IFI27: variants seen among roughly 807,000 people sequenced by gnomAD.
The protein encoded by IFI27 is interferon alpha-inducible protein 27, mitochondrial.
IFI27 carries 3 observed loss-of-function variants against 8.9 expected under a neutral mutation model. The observed-to-expected ratio is 0.34, with a 90% CI of 0.15 to 0.87. The LOEUF (loss-of-function observed/expected upper bound fraction) is 0.87. Ranked by LOEUF, IFI27 falls within the 40% of genes least tolerant of loss-of-function variation. The pLI is 0.51. For synonymous variants in IFI27, 66 were observed against 67.3 expected, an observed-to-expected ratio of 0.98 and a Z score of 0.09; for missense variants, 152 against 157.7, an observed-to-expected ratio of 0.96 and a Z score of 0.19.
chr14:94,116,605 C>G lies in IFI27; in HGVS notation c.*78C>G, dbSNP rs973927968. ...CCAGCCATCCTGACCCAGCGAGGAGCCAACTATCCCAAATATACCTGGGGT... is the reference window on the plus strand; with the variant it reads ...CCAGCCATCCTGACCCAGCGAGGAGGCAACTATCCCAAATATACCTGGGGT... On this transcript the variant is annotated 3_prime_UTR_variant, in exon 5 of 5. Transcript: ENST00000621160. This position sits in a 1 kb window ranked among gnomAD's most constrained non-coding sequence, Gnocchi z 4.3. The G allele has an allele frequency of 2.9e-6, 3 of 1,018,536 alleles. No homozygotes were observed. In the African/African-American group the frequency reaches 4.8e-5, roughly 16 times the overall value. The allele number at this position is 1,018,536 out of a possible 1,614,324, so 63.1% of individuals were successfully genotyped here. A position where few individuals can be genotyped will look rare whatever the true frequency, so the allele number is the denominator to read the frequency against.
chr14:94,111,778 G>A lies in IFI27; in HGVS notation c.91+5G>A, dbSNP rs1887198108. 5.6e-6 allele frequency: 9 copies of A among 1,611,168 alleles called. No homozygotes were observed. The highest frequency in any genetic ancestry group is 7.6e-6 in the Non-Finnish European group (9 of 1,177,292). On this transcript the variant is annotated splice_donor_5th_base_variant and intron_variant, in intron 2 of 4. Transcript: ENST00000621160. This position sits in a 1 kb window ranked among gnomAD's most constrained non-coding sequence, Gnocchi z 4.3. ...CTGCCGTAGTTTTGCCCCTGGGTGA[G>A]TGTTCCTGGGAGGGGCTGGTGCTGG...
rs569686187 is a variant in IFI27 at position 94,116,279 on chromosome 14, A to G, written c.284-163A>G. On this transcript the variant is annotated intron_variant, in intron 4 of 4. Transcript: ENST00000621160. The surrounding 1 kb of genome is among the most constrained non-coding windows in gnomAD (Gnocchi z 4.3). ...TCATGCCTGCAGCAGCCTCTCCCCA[A>G]ACAAAGACCCCGAGGGTACTGGGAA... 7.5e-5 allele frequency: 49 copies of G among 651,142 alleles called. No homozygotes were observed. Among genetic ancestry groups the G allele is most frequent in the Non-Finnish European group, 1.0e-4 (38 of 364,248 alleles). The allele number at this position is 651,142 out of a possible 1,614,324, so 40.3% of individuals were successfully genotyped here.
Position 94,116,297 on chromosome 14 carries a change from A to G in IFI27, c.284-145A>G, listed in dbSNP as rs1446144449. ...CTCCCCAAACAAAGACCCCGAGGGT[A>G]CTGGGAAACAGAGAGGGGAACTGGG... On this transcript the variant is annotated intron_variant, in intron 4 of 4. Transcript: ENST00000621160. This position sits in a 1 kb window ranked among gnomAD's most constrained non-coding sequence, Gnocchi z 4.3. 1 of 666,420 alleles carries G rather than the reference A, an allele frequency of 1.5e-6. No homozygotes were observed. Among genetic ancestry groups the G allele is most frequent in the African/African-American group, 1.8e-5 (1 of 55,744 alleles). The allele number at this position is 666,420 out of a possible 1,614,324, so 41.3% of individuals were successfully genotyped here.
chr14:94,106,164 T>C (rs1440722102), upstream of IFI27, among the ~76,000 whole-genome samples: 1 of 152,168 alleles, frequency 6.6e-6, no homozygotes, highest in Non-Finnish European at 1.5e-5. Context: ...GGGCCTCTTT[T>C]ATAAAGGCAC....
upstream of IFI27, among the ~76,000 whole-genome samples, chr14:94,106,623 T>A (rs1238355898): frequency 6.6e-6 from 1 of 152,226 alleles, no homozygotes; most frequent in African/African-American, 2.4e-5. Flanking sequence ...TAGTTCATCT[T>A]GCACTGCTAT....
chr14:94,111,828 C>G lies in IFI27; in HGVS notation c.91+55C>G, dbSNP rs112353168. The G allele has an allele frequency of 9.0e-6, 12 of 1,335,532 alleles. 1 individual carries two copies. The highest frequency in any genetic ancestry group is 8.6e-5 in the African/African-American group (6 of 69,654). The allele number at this position is 1,335,532 out of a possible 1,614,324, so 82.7% of individuals were successfully genotyped here. A position where few individuals can be genotyped will look rare whatever the true frequency, so the allele number is the denominator to read the frequency against. On this transcript the variant is annotated intron_variant, in intron 2 of 4. Coordinates refer to ENST00000621160, the Ensembl canonical transcript of IFI27. This position sits in a 1 kb window ranked among gnomAD's most constrained non-coding sequence, Gnocchi z 4.3. ...GGGGCGAGGAGGCGGCTGGGAAGGG[C>G]GGGGGTCCTGTCCCGGGACCCGTGG... is the stretch of plus-strand genomic sequence containing the variant.
chr14:94,107,065 T>TTTA (rs562384942), upstream of IFI27, among the ~76,000 whole-genome samples: 1,562 of 151,834 alleles, frequency 0.01, 28 homozygotes, highest in African/African-American at 0.035. Flanking sequence ...ATATATATCA[T>TTTA]TTATTATTAT....
At chr14:94,109,993 C>A (rs1202779632), upstream of IFI27, among the ~76,000 whole-genome samples, 1 of 152,204 alleles carries the variant, frequency 6.6e-6, no homozygotes, top group Non-Finnish European at 1.5e-5. Flanking sequence ...CCTTGCAGTG[C>A]TTTTGTGGCC....
At chr14:94,107,226 C>A (rs371994074), upstream of IFI27, among the ~76,000 whole-genome samples, 1 of 152,152 alleles carries the variant, frequency 6.6e-6, no homozygotes, top group Non-Finnish European at 1.5e-5. Context: ...CACACCACCA[C>A]GCCTTGCTAA....
chr14:94,111,191 CGGA>C lies in IFI27; in HGVS notation c.-59+403_-59+405del, dbSNP rs1204405108. Among the ~76,000 whole-genome samples the C allele has an allele frequency of 1.3e-5, 2 of 152,172 alleles. No individual in the cohort carries two copies. The highest frequency in any genetic ancestry group is 4.8e-5 in the African/African-American group (2 of 41,444). On this transcript the variant is annotated intron_variant, in intron 1 of 4. Transcript: ENST00000621160. This position sits in a 1 kb window ranked among gnomAD's most constrained non-coding sequence, Gnocchi z 4.3. ...ATCGCGCTCCCTCATCTGTAACATGCGGAGGAGGAGGGTCCCATCTTTTTCACG... is the reference window on the plus strand; with the variant it reads ...ATCGCGCTCCCTCATCTGTAACATGCGGAGGAGGGTCCCATCTTTTTCACG...
At chr14:94,108,111 A>G (rs769152643), upstream of IFI27, among the ~76,000 whole-genome samples, 1 of 152,058 alleles carries the variant, frequency 6.6e-6, no homozygotes, top group Non-Finnish European at 1.5e-5. Context: ...TACTTGTGAT[A>G]TTTTGCTGAG....
chr14:94,116,648 G>T lies in IFI27; in HGVS notation c.*121G>T. On this transcript the variant is annotated 3_prime_UTR_variant, in exon 5 of 5. Coordinates refer to ENST00000621160, the Ensembl canonical transcript of IFI27. This position sits in a 1 kb window ranked among gnomAD's most constrained non-coding sequence, Gnocchi z 4.3. ...CCTGGGGTGAAATATACCAAATTCT[G>T]CATCTCCAGAGGAAAATAAGAAATA... 1.4e-6 allele frequency: 1 copy of T among 694,472 alleles called. No homozygotes were observed. Among genetic ancestry groups the T allele is most frequent in the South Asian group, 1.6e-5 (1 of 61,790 alleles). 43.0% of individuals were successfully genotyped at this position (694,472 alleles called of 1,614,324 possible).
At chr14:94,109,897 T>A (rs1385630433), upstream of IFI27, among the ~76,000 whole-genome samples, 1 of 152,238 alleles carries the variant, frequency 6.6e-6, no homozygotes, top group Non-Finnish European at 1.5e-5. Flanking sequence ...TGAGCCTGAC[T>A]GTGTCATTTC....
rs189690100 is a variant in IFI27, at chr14:94,111,826, G to T, written c.91+53G>T. The stretch of plus-strand genomic sequence containing the variant: ...TGGGGGCGAGGAGGCGGCTGGGAAG[G>T]GCGGGGGTCCTGTCCCGGGACCCGT... On this transcript the variant is annotated intron_variant, in intron 2 of 4. Transcript: ENST00000621160. This position sits in a 1 kb window ranked among gnomAD's most constrained non-coding sequence, Gnocchi z 4.3. 729 of 1,378,964 alleles carry T rather than the reference G, an allele frequency of 5.3e-4. 1 individual carries two copies. Among genetic ancestry groups the T allele is most frequent in the Admixed American group, 9.9e-4 (59 of 59,676 alleles). The allele number at this position is 1,378,964 out of a possible 1,614,324, so 85.4% of individuals were successfully genotyped here.
At chr14:94,115,295 G>A in intron 3 of IFI27, 1 of 529,618 alleles carries the variant, frequency 1.9e-6, no homozygotes, top group Non-Finnish European at 3.6e-6. Flanking sequence ...AGAGATGCCA[G>A]GGCTCAGCTC....
intron 2 of IFI27, among the ~76,000 whole-genome samples, chr14:94,112,698 A>G (rs1043320814): frequency 1.3e-5 from 2 of 152,246 alleles, no homozygotes; most frequent in African/African-American, 2.4e-5. Context: ...TGACCCTGTC[A>G]TCCTCAGCTG....
At chr14:94,108,423 A>T (rs958010757), upstream of IFI27, among the ~76,000 whole-genome samples, 1 of 152,194 alleles carries the variant, frequency 6.6e-6, no homozygotes, top group African/African-American at 2.4e-5. Context: ...AACTGTGTCC[A>T]TATGCTGGCC....
chr14:94,108,819 A>G (rs909249626), upstream of IFI27, among the ~76,000 whole-genome samples: 3 of 152,210 alleles, frequency 2.0e-5, no homozygotes, highest in African/African-American at 7.2e-5. Flanking sequence ...GGAATAATAC[A>G]AAAGAAGTAG....
upstream of IFI27, among the ~76,000 whole-genome samples, chr14:94,106,329 T>C (rs1887014558): frequency 6.6e-6 from 1 of 152,250 alleles, no homozygotes; most frequent in Non-Finnish European, 1.5e-5. Flanking sequence ...CTTTGGGATA[T>C]ATACCCAGAG....
Sources: gnomAD v4.1 joint callset for allele counts (sites outside exome capture counted in the v4.1 genomes callset) on GRCh38, gnomAD v4.1.1 for gene constraint, Gnocchi (gnomAD v3.1) non-coding constraint, MANE v1.5 for transcripts, NCBI Gene and HGNC (gene_info 2026-07-23, HGNC 2026-07-21) for gene names.